The following TENM2 variants were observed in gnomAD, a reference collection of about 807,000 sequenced individuals.
TENM2 encodes teneurin-2.
A neutral mutation model predicts 245.2 loss-of-function variants in TENM2; 52 were observed. That is an observed-to-expected ratio of 0.21 (90% CI 0.17 to 0.27). The LOEUF (loss-of-function observed/expected upper bound fraction) is 0.27, where lower values mean the gene tolerates loss of function less well. Ranked by LOEUF, TENM2 falls within the 10% of genes least tolerant of loss-of-function variation. TENM2 has a pLI of 1.00. For synonymous variants in TENM2, 1,363 were observed against 1,438.9 expected (o/e 0.95, Z 1.19); for missense variants, 3,046 against 3,666.8 (o/e 0.83, Z 4.37).
At chr5:167,711,752 C>T (rs1473930667) in intron 2 of TENM2, among the ~76,000 whole-genome samples, 1 of 152,190 alleles carries the variant, frequency 6.6e-6, no homozygotes, top group Non-Finnish European at 1.5e-5. Flanking sequence ...AACCAGCCAC[C>T]TGTTCTTTGC....
At chr5:168,184,849 G>A (rs546356233) in intron 13 of TENM2, among the ~76,000 whole-genome samples, 58 of 152,150 alleles carry the variant, frequency 3.8e-4, no homozygotes, top group Non-Finnish European at 7.8e-4. Context: ...TTAAAATCTA[G>A]CAGAGTACAC....
At chr5:167,162,774 A>G in the TENM2 span, among the ~76,000 whole-genome samples, 1 of 152,236 alleles carries the variant, frequency 6.6e-6, no homozygotes, top group African/African-American at 2.4e-5. Flanking sequence ...TACCAGAAAG[A>G]AAGCAGAGTG....
intron 8 of TENM2, among the ~76,000 whole-genome samples, chr5:168,091,462 G>C (rs866548337): frequency 1.3e-5 from 2 of 152,108 alleles, no homozygotes; most frequent in South Asian, 4.1e-4. Context: ...ATTCACTTGA[G>C]GAAGATTTCA....
chr5:167,914,103 A>G (rs1055219685), intron 3 of TENM2, among the ~76,000 whole-genome samples: 19 of 152,110 alleles, frequency 1.2e-4, no homozygotes, highest in African/African-American at 4.3e-4. Context: ...GTCTTCCTAT[A>G]TTGACTGAGC....
chr5:167,397,989 C>T (rs934757994), intron 2 of TENM2, among the ~76,000 whole-genome samples: 8 of 152,216 alleles, frequency 5.3e-5, no homozygotes, highest in African/African-American at 1.9e-4. Context: ...ACTATATATA[C>T]TCCATGCACT....
At chr5:167,051,854 A>G in the TENM2 span, among the ~76,000 whole-genome samples, 6 of 152,188 alleles carry the variant, frequency 3.9e-5, no homozygotes, top group African/African-American at 1.2e-4. Flanking sequence ...ATATTTGCCC[A>G]TGTCCCTTTC....
intron 4 of TENM2, among the ~76,000 whole-genome samples, chr5:167,971,561 C>T (rs143723345): frequency 1.2e-4 from 18 of 152,086 alleles, no homozygotes; most frequent in African/African-American, 3.9e-4. Flanking sequence ...ATTAGCCAGG[C>T]GTGGTGGTGC....
At chr5:167,240,096 G>A in the TENM2 span, among the ~76,000 whole-genome samples, 3 of 152,022 alleles carry the variant, frequency 2.0e-5, no homozygotes, top group Admixed American at 1.3e-4. Context: ...GCCTTTACTG[G>A]GATTTTATTG....
intron 11 of TENM2, among the ~76,000 whole-genome samples, chr5:168,125,614 CTA>C (rs372181537): frequency 4.6e-5 from 7 of 152,280 alleles, no homozygotes; most frequent in Non-Finnish European, 1.0e-4. Flanking sequence ...TGACAAGTCC[CTA>C]TCCAAGCAAG....
chr5:167,716,931 A>G (rs1354149831), intron 2 of TENM2, among the ~76,000 whole-genome samples: 1 of 133,996 alleles, frequency 7.5e-6, no homozygotes, highest in Non-Finnish European at 1.6e-5. Context: ...ATTTTATTTT[A>G]TTTTATTTTA....
chr5:167,387,512 C>G (rs1761509206), intron 2 of TENM2, among the ~76,000 whole-genome samples: 1 of 152,042 alleles, frequency 6.6e-6, no homozygotes, highest in Admixed American at 6.6e-5. Flanking sequence ...CCCTTTATTT[C>G]TTTCTCTTGT....
chr5:168,007,516 G>A (rs901797956), intron 5 of TENM2, among the ~76,000 whole-genome samples: 1 of 152,198 alleles, frequency 6.6e-6, no homozygotes, highest in African/African-American at 2.4e-5. Flanking sequence ...TGGCGACCAA[G>A]GAGACTATGG....
chr5:167,670,058 T>A (rs1755833476), intron 2 of TENM2, among the ~76,000 whole-genome samples: 1 of 152,164 alleles, frequency 6.6e-6, no homozygotes, highest in Admixed American at 6.5e-5. Context: ...CAGATGACAT[T>A]ATTTTTTAAG....
intron 1 of TENM2, among the ~76,000 whole-genome samples, chr5:167,333,485 C>T (rs183593523): frequency 6.6e-6 from 1 of 152,186 alleles, no homozygotes; most frequent in Admixed American, 6.5e-5. Context: ...TTTTAGATTA[C>T]CTGATCAGTG....
chr5:168,212,573 A>G (rs187632892), intron 20 of TENM2, among the ~76,000 whole-genome samples: 3 of 152,360 alleles, frequency 2.0e-5, no homozygotes, highest in Admixed American at 2.0e-4. Context: ...GCTCTCCTTC[A>G]TGATATTAGG....
intron 5 of TENM2, among the ~76,000 whole-genome samples, chr5:168,030,680 T>C (rs946404979): frequency 2.0e-5 from 3 of 151,968 alleles, no homozygotes. Flanking sequence ...AGGCACAGGG[T>C]TGAAGGTTAG....
At chr5:167,431,541 T>G (rs1366562421) in intron 2 of TENM2, among the ~76,000 whole-genome samples, 1 of 152,108 alleles carries the variant, frequency 6.6e-6, no homozygotes, top group Admixed American at 6.5e-5. Flanking sequence ...AGACAGTTGT[T>G]TTGCATTACA....
At chr5:167,295,782 T>A (rs1754916176) in intron 1 of TENM2, among the ~76,000 whole-genome samples, 2 of 152,168 alleles carry the variant, frequency 1.3e-5, no homozygotes, top group Non-Finnish European at 2.9e-5. Context: ...ACAAGCTCCC[T>A]TTTTCTCTGC....
intron 25 of TENM2, among the ~76,000 whole-genome samples, chr5:168,240,102 C>T (rs928639322): frequency 1.3e-5 from 2 of 152,162 alleles, no homozygotes; most frequent in Non-Finnish European, 2.9e-5. Context: ...CCTCTGTAGT[C>T]CCAGCTACTC....
Sources: allele counts gnomAD v4.1 joint callset (sites outside exome capture counted in the v4.1 genomes callset), GRCh38; gene constraint gnomAD v4.1.1; transcripts MANE v1.5; gene names NCBI Gene and HGNC (gene_info 2026-07-23, HGNC 2026-07-21).